Variants in RAB2A observed in about 807,000 individuals in gnomAD.
The protein encoded by RAB2A is ras-related protein Rab-2A.
A neutral mutation model predicts 32.5 loss-of-function variants in RAB2A; 7 were observed. The observed-to-expected ratio is 0.22, with a 90% CI of 0.12 to 0.40. The LOEUF (loss-of-function observed/expected upper bound fraction) is 0.40, where lower values mean the gene tolerates loss of function less well. Ranked by LOEUF, RAB2A falls within the 10% of genes least tolerant of loss-of-function variation. RAB2A has a pLI of 1.00. For synonymous variants in RAB2A, 79 were observed against 85.2 expected, an observed-to-expected ratio of 0.93 and a Z score of 0.40; for missense variants, 108 against 260.7, an observed-to-expected ratio of 0.41 and a Z score of 4.03.
chr8:60,611,913 A>T (rs1023975833), intron 6 of RAB2A, among the ~76,000 whole-genome samples: 9 of 152,230 alleles, frequency 5.9e-5, no homozygotes, highest in African/African-American at 2.2e-4. Flanking sequence ...CCAATTATTA[A>T]TCTGCATTGC....
chr8:60,597,028 A>G (rs1804041129), intron 6 of RAB2A, among the ~76,000 whole-genome samples: 1 of 152,226 alleles, frequency 6.6e-6, no homozygotes, highest in Non-Finnish European at 1.5e-5. Context: ...ATTGTGGAAG[A>G]CAGTGTGGCA....
chr8:60,554,863 A>G (rs1269978601), intron 1 of RAB2A, among the ~76,000 whole-genome samples: 1 of 152,068 alleles, frequency 6.6e-6, no homozygotes, highest in Admixed American at 6.6e-5. Context: ...AAAAAAAAAA[A>G]GAAAGAAAAA....
chr8:60,565,435 G>T (rs1476219565), intron 2 of RAB2A, among the ~76,000 whole-genome samples: 4 of 120,838 alleles, frequency 3.3e-5, no homozygotes, highest in African/African-American at 9.5e-5. Flanking sequence ...AAAAAAAAAA[G>T]AAAGAAGTAA....
chr8:60,588,987 C>A (rs1803891775), intron 5 of RAB2A, among the ~76,000 whole-genome samples: 1 of 152,084 alleles, frequency 6.6e-6, no homozygotes. Context: ...GAAGGCCTTT[C>A]TTGGGTATTC....
chr8:60,547,565 T>C (rs75208107), intron 1 of RAB2A, among the ~76,000 whole-genome samples: 58 of 111,672 alleles, frequency 5.2e-4, no homozygotes, highest in East Asian at 1.2e-3. Flanking sequence ...GGCGGCTGGC[T>C]GGGCAGAGGG....
intron 5 of RAB2A, among the ~76,000 whole-genome samples, chr8:60,590,311 T>C (rs1044593731): frequency 2.6e-5 from 4 of 151,776 alleles, no homozygotes; most frequent in Non-Finnish European, 4.4e-5. Context: ...CTGAGTGATT[T>C]TTACAATTCA....
intron 1 of RAB2A, among the ~76,000 whole-genome samples, chr8:60,533,320 A>G (rs1348629545): frequency 3.3e-5 from 5 of 152,204 alleles, no homozygotes; most frequent in Non-Finnish European, 7.3e-5. Flanking sequence ...ATATCTACAA[A>G]CAGGAGCCCG....
intron 3 of RAB2A, among the ~76,000 whole-genome samples, chr8:60,576,485 C>A (rs1723139959): frequency 6.6e-6 from 1 of 152,136 alleles, no homozygotes; most frequent in African/African-American, 2.4e-5. Context: ...TTCATTTATC[C>A]ACTCAGCTTC....
intron 6 of RAB2A, among the ~76,000 whole-genome samples, chr8:60,592,515 T>TA (rs5891771): frequency 0.038 from 5,780 of 152,072 alleles, 331 homozygotes; most frequent in African/African-American, 0.13. Flanking sequence ...CTTATTTTTT[T>TA]AATTTTATTT....
At chr8:60,559,916 T>C (rs1465050078) in intron 2 of RAB2A, among the ~76,000 whole-genome samples, 2 of 152,270 alleles carry the variant, frequency 1.3e-5, no homozygotes, top group East Asian at 1.9e-4. Context: ...TATTAATTAA[T>C]AGTTTTCAAC....
At chr8:60,589,021 C>G (rs189583452) in intron 5 of RAB2A, among the ~76,000 whole-genome samples, 6 of 152,294 alleles carry the variant, frequency 3.9e-5, no homozygotes, top group African/African-American at 1.4e-4. Context: ...AATCATCTCA[C>G]TAAACCTTTT....
rs1804089518 is a variant in RAB2A at position 60,599,296 on chromosome 8, A to G, written c.474+7327A>G. Among the ~76,000 whole-genome samples the G allele has an allele frequency of 2.0e-5, 3 of 152,332 alleles. No homozygotes were observed. In the South Asian group the frequency reaches 6.2e-4, roughly 32 times the overall value. Reference sequence around the variant, plus strand: ...GTGAAAGAAGTAAAAGAAAATCTAAATAAATAGAGAGGCATACTATGCCTA... The same window carrying G: ...GTGAAAGAAGTAAAAGAAAATCTAAGTAAATAGAGAGGCATACTATGCCTA... On this transcript the variant is annotated intron_variant, in intron 6 of 7. Coordinates refer to ENST00000262646, the MANE Select transcript of RAB2A (RefSeq NM_002865.3).
chr8:60,601,914 G>A (rs1005732447), intron 6 of RAB2A, among the ~76,000 whole-genome samples: 2 of 152,130 alleles, frequency 1.3e-5, no homozygotes. Context: ...TTGAGACAGG[G>A]TCTCACTCTG....
intron 6 of RAB2A, among the ~76,000 whole-genome samples, chr8:60,600,765 G>A (rs1410989353): frequency 6.6e-6 from 1 of 152,162 alleles, no homozygotes; most frequent in Non-Finnish European, 1.5e-5. Context: ...ATACTATACA[G>A]CAATCTGGAT....
chr8:60,564,250 A>G (rs1203018195), intron 2 of RAB2A, among the ~76,000 whole-genome samples: 1 of 152,170 alleles, frequency 6.6e-6, no homozygotes, highest in Non-Finnish European at 1.5e-5. Flanking sequence ...CCACCACTGC[A>G]TTGACCCACC....
At chr8:60,559,199 A>G (rs1807983126) in intron 2 of RAB2A, 1 of 303,836 alleles carries the variant, frequency 3.3e-6, no homozygotes, top group Middle Eastern at 1.0e-3. Context: ...GACAGTATCC[A>G]AGCATGGTAA....
intron 5 of RAB2A, among the ~76,000 whole-genome samples, chr8:60,585,415 G>A (rs1039068724): frequency 1.3e-5 from 2 of 152,000 alleles, no homozygotes; most frequent in African/African-American, 4.8e-5. Context: ...GGGCTCAAGG[G>A]AATCCTCCTG....
chr8:60,523,314 C>T (rs746204013), intron 1 of RAB2A, among the ~76,000 whole-genome samples: 96 of 151,590 alleles, frequency 6.3e-4, no homozygotes, highest in African/African-American at 1.6e-3. Flanking sequence ...CCCGCCACCA[C>T]GCCCGGCTAA....
chr8:60,584,101 T>A, intron 3 of RAB2A, 107 bp from the exon 4 acceptor site: 3 of 891,072 alleles, frequency 3.4e-6, no homozygotes, highest in Non-Finnish European at 5.4e-6. Flanking sequence ...TTCTTGTCTC[T>A]CTTTATGCAC....
Sources: gnomAD v4.1 joint callset for allele counts (sites outside exome capture counted in the v4.1 genomes callset) on GRCh38, gnomAD v4.1.1 for gene constraint, MANE v1.5 for transcripts, NCBI Gene and HGNC (gene_info 2026-07-23, HGNC 2026-07-21) for gene names.